SIPA1L1: variants seen among roughly 807,000 people sequenced by gnomAD.
SIPA1L1 encodes the protein signal-induced proliferation-associated 1-like protein 1.
In SIPA1L1, 26 loss-of-function variants were observed where a neutral mutation model predicts 162.7. The ratio of observed to expected loss-of-function variants is 0.16; its 90% CI spans 0.12 to 0.22. The LOEUF is 0.22. Among genes scored for constraint, SIPA1L1 ranks in the 10% least tolerant of loss-of-function variants. SIPA1L1 has a pLI of 1.00. For synonymous variants in SIPA1L1, 829 were observed against 837.4 expected (o/e 0.99, Z 0.17); for missense variants, 1,874 against 2,241.0 (o/e 0.84, Z 3.31).
At chr14:71,408,987 G>A (rs1237564541) in intron 2 of SIPA1L1, among the ~76,000 whole-genome samples, 2 of 152,044 alleles carry the variant, frequency 1.3e-5, no homozygotes, top group African/African-American at 4.8e-5. Context: ...CTTGTATGTC[G>A]AGGAACTCGT....
At chr14:71,677,117 A>C (rs1029757317) in intron 12 of SIPA1L1, among the ~76,000 whole-genome samples, 28 of 152,188 alleles carry the variant, frequency 1.8e-4, no homozygotes, top group African/African-American at 6.5e-4. Context: ...CTATTTCTCC[A>C]CATCCTCTCC....
chr14:71,535,409 A>G (rs1472311296), intron 4 of SIPA1L1, among the ~76,000 whole-genome samples: 1 of 152,228 alleles, frequency 6.6e-6, no homozygotes, highest in African/African-American at 2.4e-5. Context: ...CTATGTAAGC[A>G]TGAATTTTCC....
At chr14:71,647,464 C>T (rs539669849) in intron 7 of SIPA1L1, among the ~76,000 whole-genome samples, 2 of 151,980 alleles carry the variant, frequency 1.3e-5, no homozygotes, top group South Asian at 4.2e-4. Context: ...AGGCCTCTAT[C>T]TATGAAGTTT....
intron 4 of SIPA1L1, among the ~76,000 whole-genome samples, chr14:71,565,210 C>T (rs1257365810): frequency 6.6e-6 from 1 of 151,998 alleles, no homozygotes; most frequent in Non-Finnish European, 1.5e-5. Flanking sequence ...ACAATTTTCC[C>T]TTCATTCTGT....
intron 2 of SIPA1L1, among the ~76,000 whole-genome samples, chr14:71,510,469 C>G (rs755045868): frequency 1.3e-5 from 2 of 151,972 alleles, no homozygotes; most frequent in South Asian, 2.1e-4. Flanking sequence ...ATTACAGGTG[C>G]GAGCCACCAC....
chr14:71,480,647 A>G (rs2048286640), intron 2 of SIPA1L1, among the ~76,000 whole-genome samples: 1 of 151,820 alleles, frequency 6.6e-6, no homozygotes, highest in Non-Finnish European at 1.5e-5. Flanking sequence ...CTGTAATCCC[A>G]GCTACTCGGG....
intron 2 of SIPA1L1, among the ~76,000 whole-genome samples, chr14:71,346,778 A>G (rs1263131703): frequency 2.0e-5 from 3 of 152,210 alleles, no homozygotes; most frequent in Non-Finnish European, 4.4e-5. Flanking sequence ...AGCTGTGTGT[A>G]ACCATCACAA....
intron 2 of SIPA1L1, among the ~76,000 whole-genome samples, chr14:71,491,167 T>C (rs1176129933): frequency 6.6e-6 from 1 of 152,232 alleles, no homozygotes; most frequent in Admixed American, 6.5e-5. Context: ...CAACTACCAG[T>C]TGATTTTCAA....
rs1444610249 is a variant in SIPA1L1, at chr14:71,698,361, G to A, written c.3375-620G>A. ...AAACAGATACATGAGGTGCCCATGT[G>A]GAGCACACTTCTACTGTGATATTAT... On this transcript the variant is annotated intron_variant, in intron 13 of 23. Coordinates refer to ENST00000381232, the MANE Select transcript of SIPA1L1 (RefSeq NM_001386936.1). Among the ~76,000 whole-genome samples, 3 of 152,250 alleles carry A rather than the reference G, an allele frequency of 2.0e-5. No homozygotes were observed. The East Asian group carries it at 5.8e-4, about 29-fold the overall frequency.
At chr14:71,599,357 T>C (rs952376093) in intron 5 of SIPA1L1, among the ~76,000 whole-genome samples, 3 of 151,572 alleles carry the variant, frequency 2.0e-5, no homozygotes, top group Non-Finnish European at 4.4e-5. Context: ...TCCATGTTGA[T>C]CAGGCTGGTC....
intron 2 of SIPA1L1, among the ~76,000 whole-genome samples, chr14:71,387,387 G>T (rs1031227035): frequency 1.3e-5 from 2 of 152,054 alleles, no homozygotes; most frequent in African/African-American, 4.8e-5. Context: ...GAGGTGGGAG[G>T]ATCCCTTGAG....
chr14:71,570,827 C>A (rs980865091), intron 4 of SIPA1L1, among the ~76,000 whole-genome samples: 5 of 152,126 alleles, frequency 3.3e-5, no homozygotes, highest in African/African-American at 1.2e-4. Context: ...CGCTCTATCA[C>A]CCAGGCTGGG....
chr14:71,703,701 G>A (rs1469110066), intron 15 of SIPA1L1, among the ~76,000 whole-genome samples: 2 of 152,174 alleles, frequency 1.3e-5, no homozygotes, highest in African/African-American at 4.8e-5. Context: ...CATGACTTTA[G>A]CGGCTTTTTT....
intron 2 of SIPA1L1, among the ~76,000 whole-genome samples, chr14:71,428,426 T>C (rs2043744280): frequency 1.3e-5 from 2 of 151,904 alleles, no homozygotes; most frequent in South Asian, 4.2e-4. Context: ...TTGTAGGCTG[T>C]CTGTGTGCTG....
chr14:71,621,095 C>T (rs1321967691), intron 6 of SIPA1L1, among the ~76,000 whole-genome samples: 1 of 152,172 alleles, frequency 6.6e-6, no homozygotes. Flanking sequence ...TTCATTTTGT[C>T]TTCACAATAT....
chr14:71,691,234 T>C (rs1291846306), intron 13 of SIPA1L1, among the ~76,000 whole-genome samples: 1 of 152,220 alleles, frequency 6.6e-6, no homozygotes, highest in Non-Finnish European at 1.5e-5. Context: ...AGGCTGTGCC[T>C]TTTCATTATA....
In SIPA1L1 at chr14:71,735,316, A is replaced by G. The variant is rs747188055; in HGVS notation, c.5048A>G (p.His1683Arg). Residue 1683 changes from histidine (H) to arginine (R), a missense_variant, in exon 22 of 24, where the codon CAT becomes CGT. Physicochemically the swap from His to Arg is conservative, Grantham distance 29 (BLOSUM62 0). Coordinates refer to ENST00000381232, the MANE Select transcript of SIPA1L1 (RefSeq NM_001386936.1). ...TTTTTTGCTGCTAGTGATGAAAACC[A>G]TCGCCCCTTGAGTGCTGCATCCAAC... ...ASFFAASDENHRPLSAASNSD... is the reference protein window; with the variant it reads ...ASFFAASDENRRPLSAASNSD... 1.9e-6 allele frequency: 3 copies of G among 1,614,200 alleles called. No homozygotes were observed. The South Asian group carries it at 3.3e-5, about 18-fold the overall frequency.
At chr14:71,437,795 A>G (rs773885024) in intron 2 of SIPA1L1, among the ~76,000 whole-genome samples, 1 of 152,156 alleles carries the variant, frequency 6.6e-6, no homozygotes, top group Non-Finnish European at 1.5e-5. Context: ...TTATTATTAT[A>G]TATTCTGTAA....
At chr14:71,338,561 C>G (rs897045258) in intron 2 of SIPA1L1, among the ~76,000 whole-genome samples, 1 of 152,000 alleles carries the variant, frequency 6.6e-6, no homozygotes, top group Non-Finnish European at 1.5e-5. Flanking sequence ...TTATCTGTCT[C>G]GAGTGTCACA....
Sources: gnomAD v4.1 joint callset for allele counts (sites outside exome capture counted in the v4.1 genomes callset) on GRCh38, gnomAD v4.1.1 for gene constraint, MANE v1.5 for transcripts, NCBI Gene and HGNC (gene_info 2026-07-23, HGNC 2026-07-21) for gene names.